Variants in MYT1L observed in about 807,000 individuals in gnomAD.
The protein encoded by MYT1L is myelin transcription factor 1 like.
In MYT1L, 12 loss-of-function variants were observed where a neutral mutation model predicts 126.7. That is an observed-to-expected ratio of 0.09 (90% CI 0.06 to 0.15). MYT1L has a LOEUF of 0.15. Among genes scored for constraint, MYT1L ranks in the 10% least tolerant of loss-of-function variants. The probability of loss-of-function intolerance (pLI) is 1.00; values close to 1 mark genes in which losing one functional copy is unlikely to be tolerated. For missense variants in MYT1L, 979 were observed against 1,585.2 expected, an observed-to-expected ratio of 0.62 and a Z score of 6.49; for synonymous variants, 541 against 604.2, an observed-to-expected ratio of 0.90 and a Z score of 1.53.
At chr2:2,153,590 AG>A (rs1559161634) in intron 3 of MYT1L, among the ~76,000 whole-genome samples, 1 of 152,228 alleles carries the variant, frequency 6.6e-6, no homozygotes, top group African/African-American at 2.4e-5. Context: ...ATCTTTACTA[AG>A]GGATCGATGG....
At chr2:1,846,414 G>A (rs999460503) in intron 19 of MYT1L, among the ~76,000 whole-genome samples, 3 of 152,160 alleles carry the variant, frequency 2.0e-5, no homozygotes, top group Admixed American at 2.0e-4. Flanking sequence ...ATTCACAGGG[G>A]CTTGTCATAT....
intron 2 of MYT1L, among the ~76,000 whole-genome samples, chr2:2,207,193 T>C (rs1184663972): frequency 6.6e-6 from 1 of 152,234 alleles, no homozygotes; most frequent in Non-Finnish European, 1.5e-5. Context: ...GATTTATTCA[T>C]TCTAATTTGT....
intron 15 of MYT1L, among the ~76,000 whole-genome samples, chr2:1,891,622 T>A (rs1573289262): frequency 6.6e-6 from 1 of 152,188 alleles, no homozygotes; most frequent in East Asian, 1.9e-4. Flanking sequence ...CATAGGCAGA[T>A]CCCTGCATTT....
At chr2:2,093,584 A>G (rs143637059) in intron 3 of MYT1L, among the ~76,000 whole-genome samples, 2,541 of 152,170 alleles carry the variant, frequency 0.017, 44 homozygotes, top group Non-Finnish European at 0.027. Flanking sequence ...TAGATTCTGA[A>G]TATTAGCCCC....
rs73911362 is a variant in MYT1L at position 2,108,812 on chromosome 2, T to C, written c.-303-54689A>G. Among the ~76,000 whole-genome samples, 614 of 152,312 alleles carry C rather than the reference T, an allele frequency of 4.0e-3. 2 individuals carry two copies. The highest frequency in any genetic ancestry group is 0.014 in the African/African-American group (571 of 41,566). ...TTTTTTTCTTTTTCGATGTGGAATA[T>C]CTATTTTGTTACTTAGCTCTATGCA... is the stretch of plus-strand genomic sequence containing the variant. On this transcript the variant is annotated intron_variant, in intron 3 of 24. Transcript: ENST00000647738.
At chr2:2,152,633 G>A (rs868028734) in intron 3 of MYT1L, among the ~76,000 whole-genome samples, 3 of 152,138 alleles carry the variant, frequency 2.0e-5, no homozygotes, top group East Asian at 1.9e-4. Context: ...AATCAGAGGC[G>A]TCCCGAGTAG....
chr2:1,790,682 C>T lies in MYT1L; in HGVS notation c.*1185G>A, dbSNP rs1163352596. On this transcript the variant is annotated 3_prime_UTR_variant, in exon 25 of 25. Coordinates refer to ENST00000647738, the MANE Select transcript of MYT1L (RefSeq NM_001303052.2). ...ATAGGACCAAATGCTGATTCAGAGT[C>T]AAAGTCGGGCGGGGGGAGCAGGAGG... 6.5e-6 allele frequency: 1 copy of T among 154,700 alleles called. No homozygotes were observed. Among genetic ancestry groups the T allele is most frequent in the Non-Finnish European group, 1.4e-5 (1 of 69,648 alleles). The allele number at this position is 154,700 out of a possible 1,614,324, so 9.6% of individuals were successfully genotyped here. A position where few individuals can be genotyped will look rare whatever the true frequency, so the allele number is the denominator to read the frequency against.
rs867349770 is a variant in MYT1L at position 2,040,628 on chromosome 2, A to G, written c.-158+13350T>C. Reference sequence around the variant, plus strand: ...TGGATGGAAATTGAAATATGCCCTTATAATTAGACACTTGGCCACTCTTCA... The same window carrying G: ...TGGATGGAAATTGAAATATGCCCTTGTAATTAGACACTTGGCCACTCTTCA... On this transcript the variant is annotated intron_variant, in intron 4 of 24. Transcript: ENST00000647738. 3.3e-5 allele frequency among the ~76,000 whole-genome samples: 5 copies of G among 152,336 alleles called. 1 individual carries two copies. The Middle Eastern group carries it at 0.017, about 518-fold the overall frequency.
At chr2:2,145,966 C>T (rs1481418881) in intron 3 of MYT1L, among the ~76,000 whole-genome samples, 1 of 152,102 alleles carries the variant, frequency 6.6e-6, no homozygotes, top group African/African-American at 2.4e-5. Flanking sequence ...CAGAAGTGTT[C>T]CCCCCGATCT....
chr2:1,871,456 C>G (rs544357899), intron 18 of MYT1L, among the ~76,000 whole-genome samples: 97 of 152,370 alleles, frequency 6.4e-4, no homozygotes, highest in African/African-American at 2.3e-3. Flanking sequence ...CTGCAGAGAG[C>G]TGGACACAGC....
At chr2:1,807,696 T>TCC (rs1305322786) in intron 22 of MYT1L, among the ~76,000 whole-genome samples, 1 of 152,092 alleles carries the variant, frequency 6.6e-6, no homozygotes, top group African/African-American at 2.4e-5. Context: ...ATCTCATTAT[T>TCC]CCCAGGAGCC....
chr2:2,163,886 T>C (rs79320316), intron 3 of MYT1L, among the ~76,000 whole-genome samples: 1 of 152,326 alleles, frequency 6.6e-6, no homozygotes, highest in South Asian at 2.1e-4. Context: ...GGACCAGGTG[T>C]AAATTTTATG....
At chr2:2,241,148 G>A (rs867365599) in intron 2 of MYT1L, among the ~76,000 whole-genome samples, 1 of 152,058 alleles carries the variant, frequency 6.6e-6, no homozygotes, top group Non-Finnish European at 1.5e-5. Context: ...GTTAGTGAAC[G>A]TGTTAATAAA....
At chr2:2,261,159 GTGTGTGTGTA>G (rs1243518355) in intron 2 of MYT1L, among the ~76,000 whole-genome samples, 1 of 152,044 alleles carries the variant, frequency 6.6e-6, no homozygotes, top group Non-Finnish European at 1.5e-5. Flanking sequence ...GTGTGTGTGT[GTGTGTGTGTA>G]TGTGTTTCCA....
intron 20 of MYT1L, among the ~76,000 whole-genome samples, chr2:1,840,315 T>C (rs529993296): frequency 3.9e-5 from 6 of 152,246 alleles, no homozygotes; most frequent in African/African-American, 1.4e-4. Context: ...AAGCTCAGTG[T>C]CCACTGCAGC....
chr2:2,140,023 TAGAA>T (rs2083709679), intron 3 of MYT1L, among the ~76,000 whole-genome samples: 2 of 152,160 alleles, frequency 1.3e-5, no homozygotes, highest in South Asian at 2.1e-4. Context: ...TAAACTAAAT[TAGAA>T]AGAGATTTCT....
intron 2 of MYT1L, among the ~76,000 whole-genome samples, chr2:2,217,992 G>A (rs2093742845): frequency 6.6e-6 from 1 of 152,112 alleles, no homozygotes; most frequent in South Asian, 2.1e-4. Context: ...GTAGACATTA[G>A]GGAAATGCCA....
At chr2:1,937,589 G>A (rs1309497043) in intron 9 of MYT1L, among the ~76,000 whole-genome samples, 6 of 149,652 alleles carry the variant, frequency 4.0e-5, no homozygotes, top group African/African-American at 1.2e-4. Flanking sequence ...CCATCAGATC[G>A]CAAGTCGAGA....
chr2:2,098,155 T>C (rs902212138), intron 3 of MYT1L, among the ~76,000 whole-genome samples: 1 of 152,152 alleles, frequency 6.6e-6, no homozygotes, highest in Non-Finnish European at 1.5e-5. Context: ...CCTCAGATAT[T>C]CCTTTGTAGT....
Sources: gnomAD v4.1 joint callset for allele counts (sites outside exome capture counted in the v4.1 genomes callset) on GRCh38, gnomAD v4.1.1 for gene constraint, MANE v1.5 for transcripts, NCBI Gene and HGNC (gene_info 2026-07-23, HGNC 2026-07-21) for gene names.